Variants in L3MBTL3 observed in about 807,000 individuals in gnomAD.
L3MBTL3 encodes the protein L3MBTL histone methyl-lysine binding protein 3, also known as lethal(3)malignant brain tumor-like protein 3.
In L3MBTL3, 27 loss-of-function variants were observed where a neutral mutation model predicts 102.3. That is an observed-to-expected ratio of 0.26 (90% CI 0.19 to 0.36). The LOEUF is 0.36. Ranked by LOEUF, L3MBTL3 falls within the 10% of genes least tolerant of loss-of-function variation. L3MBTL3 has a pLI of 1.00. For missense variants in L3MBTL3, 798 were observed against 955.3 expected (o/e 0.84, Z 2.17); for synonymous variants, 340 against 320.9 (o/e 1.06, Z -0.64).
intron 19 of L3MBTL3, among the ~76,000 whole-genome samples, chr6:130,111,960 G>A (rs1393682185): frequency 2.6e-5 from 4 of 152,164 alleles, no homozygotes; most frequent in African/African-American, 9.7e-5. Context: ...CTTTGTCTCT[G>A]CAGGCTCTTT....
chr6:130,053,937 G>A (rs145761876), intron 7 of L3MBTL3, among the ~76,000 whole-genome samples: 1 of 152,134 alleles, frequency 6.6e-6, no homozygotes, highest in Non-Finnish European at 1.5e-5. Context: ...TCTTGTTTAG[G>A]GGGTAGTTAA....
chr6:130,119,628 A>G (rs1440838367), intron 19 of L3MBTL3, among the ~76,000 whole-genome samples: 1 of 152,134 alleles, frequency 6.6e-6, no homozygotes. Flanking sequence ...AAAAAAAATA[A>G]TGATTCTCCC....
chr6:130,108,484 C>T (rs962469298), intron 19 of L3MBTL3, among the ~76,000 whole-genome samples: 5 of 151,904 alleles, frequency 3.3e-5, no homozygotes, highest in South Asian at 2.1e-4. Flanking sequence ...TCTGTTGCCT[C>T]GGCCTCCCAA....
chr6:130,113,794 C>T (rs968855416), intron 19 of L3MBTL3, among the ~76,000 whole-genome samples: 1 of 152,154 alleles, frequency 6.6e-6, no homozygotes, highest in Non-Finnish European at 1.5e-5. Flanking sequence ...CACCGAAAGC[C>T]GAGTCTGTAC....
chr6:130,127,727 TTG>T (rs1786710349), intron 20 of L3MBTL3, among the ~76,000 whole-genome samples: 1 of 152,236 alleles, frequency 6.6e-6, no homozygotes, highest in South Asian at 2.1e-4. Context: ...GCGATTGATG[TTG>T]TTTTAATGAT....
chr6:130,060,316 C>T (rs1781806095), intron 10 of L3MBTL3, among the ~76,000 whole-genome samples, 176 bp downstream of exon 10: 1 of 152,146 alleles, frequency 6.6e-6, no homozygotes, highest in Admixed American at 6.5e-5. Flanking sequence ...TTCTCAAGCT[C>T]TGTTGTGTAG....
chr6:130,129,619 T>G (rs112758209), intron 20 of L3MBTL3, among the ~76,000 whole-genome samples: 125 of 152,296 alleles, frequency 8.2e-4, no homozygotes, highest in African/African-American at 2.8e-3. Flanking sequence ...ATCACATACC[T>G]TTGGTCAATT....
chr6:130,132,762 A>G (rs568680552), intron 20 of L3MBTL3, among the ~76,000 whole-genome samples: 4 of 147,970 alleles, frequency 2.7e-5, no homozygotes, highest in Non-Finnish European at 5.9e-5. Context: ...TAGAATATTC[A>G]GTAGGGTTTT....
intron 19 of L3MBTL3, among the ~76,000 whole-genome samples, chr6:130,116,969 ATTTT>A (rs769326222): frequency 0.15 from 18,984 of 129,652 alleles, 3,073 homozygotes; most frequent in African/African-American, 0.4. Context: ...TTATTTATTT[ATTTT>A]TTTATTTTTT....
chr6:130,060,120 T>A lies in L3MBTL3; in HGVS notation c.844T>A (p.Cys282Ser), dbSNP rs753716906. 1 of 1,606,124 alleles carries A rather than the reference T, an allele frequency of 6.2e-7. No homozygotes were observed. Among genetic ancestry groups the A allele is most frequent in the East Asian group, 2.2e-5 (1 of 44,672 alleles). The change falls in exon 10 of 23, where the codon TGT (cysteine) becomes AGT (serine). Residue 282 changes from cysteine to serine, a missense_variant. This residue lies in a region of L3MBTL3 where 434 missense variants were observed against 506.6 expected (regional missense o/e 0.86). Coordinates refer to ENST00000361794, the MANE Select transcript of L3MBTL3 (RefSeq NM_032438.4). ...GGATCCTGAGCATCAGTCTGTGTACTGTGTCCTCACCGTCGCGGAGGTAAG... is the reference window on the plus strand; with the variant it reads ...GGATCCTGAGCATCAGTCTGTGTACAGTGTCCTCACCGTCGCGGAGGTAAG... ...GVDPEHQSVY[C>S]VLTVAEVCGY...
chr6:130,039,785 T>C (rs914659007), intron 2 of L3MBTL3, among the ~76,000 whole-genome samples: 1 of 152,222 alleles, frequency 6.6e-6, no homozygotes, highest in Non-Finnish European at 1.5e-5. Context: ...TAGCTGGATA[T>C]CTGCTTCTGC....
intron 2 of L3MBTL3, 35 bp from the exon 3 acceptor site, chr6:130,042,650 A>G (rs549776067): frequency 3.3e-6 from 4 of 1,198,706 alleles, no homozygotes; most frequent in Non-Finnish European, 5.0e-6. Flanking sequence ...TTCCATGTGG[A>G]ATATTTAGTG....
rs1476930718 is a variant in L3MBTL3 at position 130,030,627 on chromosome 6, C to T, written c.-16+8322C>T. Among the ~76,000 whole-genome samples, 3 of 146,982 alleles carry T rather than the reference C, an allele frequency of 2.0e-5. No individual in the cohort carries two copies. In the East Asian group the frequency reaches 6.1e-4, roughly 30 times the overall value. On this transcript the variant is annotated intron_variant, in intron 2 of 22. Transcript: ENST00000361794. ...GCTTGCAGTGAGCCGAAATCTTGCC[C>T]CTGCATTCTAGCCTGGGTGACACAG...
intron 2 of L3MBTL3, among the ~76,000 whole-genome samples, chr6:130,027,112 C>G (rs75191738): frequency 6.6e-6 from 1 of 151,946 alleles, no homozygotes; most frequent in Admixed American, 6.6e-5. Flanking sequence ...TTTGACTCAT[C>G]GGGTGGTTTT....
intron 16 of L3MBTL3, among the ~76,000 whole-genome samples, chr6:130,090,197 C>CAT (rs67532079): frequency 0.2 from 30,764 of 150,624 alleles, 3,308 homozygotes; most frequent in Non-Finnish European, 0.24. Context: ...ATTTTAAGCA[C>CAT]ATATATATAT....
At chr6:130,058,232 TA>T (rs1210107560) in intron 9 of L3MBTL3, among the ~76,000 whole-genome samples, 1 of 151,338 alleles carries the variant, frequency 6.6e-6, no homozygotes, top group Non-Finnish European at 1.5e-5. Flanking sequence ...TGGGTCACTA[TA>T]TTATATTAGC....
At position 130,120,914 on chromosome 6, in the gene L3MBTL3, A is replaced by AAG; in HGVS notation, c.1928_1929dup (p.Thr644GlufsTer6). The AAG allele has an allele frequency of 6.2e-7, 1 of 1,612,846 alleles. No homozygotes were observed. Among genetic ancestry groups the AAG allele is most frequent in the Non-Finnish European group, 8.5e-7 (1 of 1,179,296 alleles). On this transcript the variant is annotated frameshift_variant, in exon 20 of 23. Transcript: ENST00000361794. LOFTEE classifies it high-confidence loss of function. ...GCTGATGATGTCAAAGAAGACTTTG[A>AAG]AGAGAGAACAGAAAGTGAAATGAGA...
chr6:130,085,586 A>AT (rs1783632979), intron 15 of L3MBTL3, among the ~76,000 whole-genome samples: 1 of 152,120 alleles, frequency 6.6e-6, no homozygotes, highest in African/African-American at 2.4e-5. Flanking sequence ...CTGTGTTGGA[A>AT]TTTTTTGACA....
chr6:130,022,660 A>AGTGATATGGAAGATTCTG (rs879778847), intron 2 of L3MBTL3, among the ~76,000 whole-genome samples: 3 of 152,240 alleles, frequency 2.0e-5, no homozygotes, highest in Non-Finnish European at 2.9e-5. Flanking sequence ...ATTGTTATAC[A>AGTGATATGGAAGATTCTG]GTGATATGGA....
Sources: gnomAD v4.1 joint callset for allele counts (sites outside exome capture counted in the v4.1 genomes callset) on GRCh38, gnomAD v4.1.1 for gene constraint, gnomAD v4.1.1 regional missense constraint, MANE v1.5 for transcripts, NCBI Gene and HGNC (gene_info 2026-07-23, HGNC 2026-07-21) for gene names.